The following ADK variants were observed in gnomAD, a reference collection of about 807,000 sequenced individuals.
ADK encodes the protein N6,N6-dimethyladenosine kinase.
In ADK, 24 loss-of-function variants were observed where a neutral mutation model predicts 44.7. That is an observed-to-expected ratio of 0.54 (90% CI 0.39 to 0.76). The LOEUF is 0.76. Among genes scored for constraint, ADK ranks in the 30% least tolerant of loss-of-function variants. The probability of loss-of-function intolerance (pLI) is 0.00; values close to 1 mark genes in which losing one functional copy is unlikely to be tolerated. For synonymous variants in ADK, 128 were observed against 142.6 expected, an observed-to-expected ratio of 0.90 and a Z score of 0.73; for missense variants, 321 against 425.1, an observed-to-expected ratio of 0.76 and a Z score of 2.15.
intron 10 of ADK, among the ~76,000 whole-genome samples, chr10:74,696,513 C>A (rs1386677581): frequency 2.0e-5 from 3 of 151,152 alleles, no homozygotes; most frequent in African/African-American, 7.3e-5. Context: ...CTACAGGCAC[C>A]CGCCACCACC....
chr10:74,448,005 C>T (rs561006091), intron 6 of ADK, among the ~76,000 whole-genome samples: 1 of 152,162 alleles, frequency 6.6e-6, no homozygotes, highest in East Asian at 1.9e-4. Context: ...GAAACCGCAT[C>T]TCTACTAAAA....
intron 9 of ADK, among the ~76,000 whole-genome samples, chr10:74,634,709 C>T (rs186541051): frequency 2.2e-3 from 342 of 152,062 alleles, no homozygotes; most frequent in African/African-American, 7.7e-3. Context: ...CTTTTGGAAG[C>T]CAGGGTGGGT....
chr10:74,411,705 A>G (rs906070063), intron 6 of ADK, among the ~76,000 whole-genome samples: 1 of 152,174 alleles, frequency 6.6e-6, no homozygotes, highest in South Asian at 2.1e-4. Context: ...AAAATAAGAC[A>G]GCAATGAAGT....
At chr10:74,590,517 A>G (rs1201958637) in intron 8 of ADK, among the ~76,000 whole-genome samples, 1 of 152,188 alleles carries the variant, frequency 6.6e-6, no homozygotes, top group Non-Finnish European at 1.5e-5. Flanking sequence ...AAGACAAGGA[A>G]CATGTGATAC....
intron 10 of ADK, among the ~76,000 whole-genome samples, chr10:74,676,882 CT>C (rs1855411868): frequency 6.6e-6 from 1 of 152,180 alleles, no homozygotes; most frequent in Admixed American, 6.5e-5. Flanking sequence ...GCAAATGACT[CT>C]GAAAACCACT....
intron 8 of ADK, among the ~76,000 whole-genome samples, chr10:74,598,507 T>C (rs1382643605): frequency 6.9e-6 from 1 of 144,326 alleles, no homozygotes; most frequent in East Asian, 2.1e-4. Context: ...TGCAGTGCAG[T>C]GGCATGATCT....
At chr10:74,188,334 G>GTATTTT (rs1842832144) in intron 1 of ADK, among the ~76,000 whole-genome samples, 1 of 118,916 alleles carries the variant, frequency 8.4e-6, no homozygotes, top group African/African-American at 4.4e-5. Context: ...TTTTGGACAT[G>GTATTTT]TATTTTTAAT....
intron 4 of ADK, among the ~76,000 whole-genome samples, chr10:74,343,916 C>G (rs138821370): frequency 6.6e-6 from 1 of 152,196 alleles, no homozygotes; most frequent in African/African-American, 2.4e-5. Context: ...CTGCCAGATG[C>G]TTTTTCTATG....
intron 7 of ADK, among the ~76,000 whole-genome samples, chr10:74,564,901 G>C (rs932721865): frequency 2.7e-5 from 4 of 150,300 alleles, no homozygotes; most frequent in Non-Finnish European, 4.4e-5. Context: ...GTCCTGAGTT[G>C]TCCACTGTTA....
At chr10:74,411,210 CAG>C (rs1844164860) in intron 6 of ADK, among the ~76,000 whole-genome samples, 1 of 151,836 alleles carries the variant, frequency 6.6e-6, no homozygotes, top group South Asian at 2.1e-4. Context: ...TTTATAAACA[CAG>C]AGAATAAAAT....
intron 3 of ADK, among the ~76,000 whole-genome samples, chr10:74,312,347 T>C (rs1840463598): frequency 6.6e-6 from 1 of 151,876 alleles, no homozygotes; most frequent in Non-Finnish European, 1.5e-5. Flanking sequence ...ATATGAGAGA[T>C]AGTTATAAGA....
At chr10:74,675,398 C>T (rs1483063519) in intron 10 of ADK, among the ~76,000 whole-genome samples, 3 of 152,130 alleles carry the variant, frequency 2.0e-5, no homozygotes, top group Non-Finnish European at 4.4e-5. Context: ...GTGACAGTAA[C>T]AAATCCCTCC....
At chr10:74,477,381 A>G (rs777091724) in intron 6 of ADK, among the ~76,000 whole-genome samples, 12 of 151,840 alleles carry the variant, frequency 7.9e-5, no homozygotes, top group African/African-American at 2.4e-4. Context: ...TTGTTTTACA[A>G]TATGTTTTTA....
At chr10:74,591,221 C>T (rs1851704866) in intron 8 of ADK, among the ~76,000 whole-genome samples, 1 of 152,104 alleles carries the variant, frequency 6.6e-6, no homozygotes, top group African/African-American at 2.4e-5. Flanking sequence ...ATTCACCTTT[C>T]CATTAGTTCT....
At chr10:74,335,530 T>C (rs187002300) in intron 4 of ADK, among the ~76,000 whole-genome samples, 30 of 152,352 alleles carry the variant, frequency 2.0e-4, no homozygotes, top group African/African-American at 7.2e-4. Context: ...TTGAATTGTT[T>C]CTGGTGATTA....
chr10:74,189,757 T>C (rs1232875492), intron 1 of ADK, among the ~76,000 whole-genome samples: 1 of 152,118 alleles, frequency 6.6e-6, no homozygotes, highest in Non-Finnish European at 1.5e-5. Context: ...TCTTCATGTC[T>C]CCCTAACCTC....
chr10:74,459,318 T>G (rs1846071651), intron 6 of ADK, among the ~76,000 whole-genome samples: 1 of 151,682 alleles, frequency 6.6e-6, no homozygotes, highest in African/African-American at 2.4e-5. Flanking sequence ...AGTTGGAAAA[T>G]GTAAGAATAT....
At chr10:74,656,457 G>A (rs1409164232) in intron 9 of ADK, among the ~76,000 whole-genome samples, 1 of 152,198 alleles carries the variant, frequency 6.6e-6, no homozygotes, top group Non-Finnish European at 1.5e-5. Flanking sequence ...CTGTGGGAAG[G>A]TGCAGGCTTT....
intron 4 of ADK, among the ~76,000 whole-genome samples, chr10:74,386,204 TTTAATTTC>T (rs2132021258): frequency 6.6e-6 from 1 of 152,312 alleles, no homozygotes; most frequent in East Asian, 1.9e-4. Flanking sequence ...AGTTTTGACA[TTTAATTTC>T]TTTTAGTTGT....
Sources: allele counts gnomAD v4.1 joint callset (sites outside exome capture counted in the v4.1 genomes callset), GRCh38; gene constraint gnomAD v4.1.1; transcripts MANE v1.5; gene names NCBI Gene and HGNC (gene_info 2026-07-23, HGNC 2026-07-21).